MAP6: variants seen among roughly 807,000 people sequenced by gnomAD.
The protein encoded by MAP6 is microtubule associated protein 6.
A neutral mutation model predicts 42.4 loss-of-function variants in MAP6; 26 were observed. The observed-to-expected ratio is 0.61, with a 90% CI of 0.45 to 0.85. The LOEUF is 0.85. MAP6 is among the 40% of genes least tolerant of loss of function. The pLI is 0.00. For missense variants in MAP6, 966 were observed against 1,099.0 expected, an observed-to-expected ratio of 0.88 and a Z score of 1.71; for synonymous variants, 418 against 443.8, an observed-to-expected ratio of 0.94 and a Z score of 0.73.
intron 3 of MAP6, among the ~76,000 whole-genome samples, chr11:75,590,610 G>A (rs879296899): frequency 6.6e-6 from 1 of 152,236 alleles, no homozygotes; most frequent in South Asian, 2.1e-4. Flanking sequence ...TCTTTAGTGG[G>A]TATCTTTAAT....
chr11:75,637,561 G>A (rs1943388965), intron 1 of MAP6, among the ~76,000 whole-genome samples: 1 of 152,086 alleles, frequency 6.6e-6, no homozygotes, highest in South Asian at 2.1e-4. Flanking sequence ...AGAGAAGAGA[G>A]CACTAGAGCA....
intron 1 of MAP6, among the ~76,000 whole-genome samples, chr11:75,622,792 T>C (rs534739619): frequency 2.6e-5 from 4 of 152,356 alleles, no homozygotes; most frequent in African/African-American, 9.6e-5. Flanking sequence ...TATAGATCTA[T>C]GAACGGAATA....
chr11:75,609,429 C>T (rs1401997102), intron 1 of MAP6, among the ~76,000 whole-genome samples: 1 of 152,168 alleles, frequency 6.6e-6, no homozygotes, highest in Non-Finnish European at 1.5e-5. Context: ...ATGACTCCCT[C>T]CTTCGGGGCT....
intron 1 of MAP6, among the ~76,000 whole-genome samples, chr11:75,623,259 T>C (rs947564253): frequency 1.3e-5 from 2 of 152,162 alleles, no homozygotes; most frequent in Non-Finnish European, 2.9e-5. Context: ...TCCAACTATA[T>C]GAAAATTCTA....
intron 1 of MAP6, among the ~76,000 whole-genome samples, chr11:75,648,575 A>G (rs146118290): frequency 7.5e-4 from 114 of 152,350 alleles, no homozygotes; most frequent in African/African-American, 2.7e-3. Flanking sequence ...GGGATAGTGA[A>G]GCATTTCTTA....
chr11:75,587,366 G>A lies in MAP6; in HGVS notation c.2135C>T (p.Ser712Phe), dbSNP rs1301711126. The stretch of plus-strand genomic sequence containing the variant: ...GAGAATGGGGTCTTGATTCTTCACG[G>A]ACTCGGGGACCACAGGACCTTGATT... ...VKNQGPVVPESVKNQDPILPV... is the reference protein window; with the variant it reads ...VKNQGPVVPEFVKNQDPILPV... The change falls in exon 4 of 4, where the codon TCC becomes TTC. Residue 712 changes from serine (S) to phenylalanine (F), a missense_variant. By Grantham distance (155) the Ser-to-Phe change is radical. Coordinates refer to ENST00000304771, the MANE Select transcript of MAP6 (RefSeq NM_033063.2). The A allele has an allele frequency of 2.5e-6, 4 of 1,614,148 alleles. No individual in the cohort carries two copies. Among genetic ancestry groups the A allele is most frequent in the Non-Finnish European group, 3.4e-6 (4 of 1,180,016 alleles).
In MAP6 at chr11:75,605,949, T is replaced by C. The variant is rs1942761996; in HGVS notation, c.1175A>G (p.Lys392Arg). 2 of 1,614,132 alleles carry C rather than the reference T, an allele frequency of 1.2e-6. No individual in the cohort carries two copies. Among genetic ancestry groups the C allele is most frequent in the African/African-American group, 1.3e-5 (1 of 75,022 alleles). Residue 392 changes from lysine (K) to arginine (R), a missense_variant, in exon 3 of 4, where the codon AAG becomes AGG. This residue lies in a region of MAP6 where 943 missense variants were observed against 1,049.9 expected (regional missense o/e 0.90). Transcript: ENST00000304771. ...SKPKKTSASHKPTRKAKDKQA... is the reference protein window; with the variant it reads ...SKPKKTSASHRPTRKAKDKQA... ...CTTGTCTTTGGCCTTCCTCGTGGGC[T>C]TATGGCTCGCTGAGGTCTTTTTTGG...
At chr11:75,646,930 T>C (rs543321247) in intron 1 of MAP6, among the ~76,000 whole-genome samples, 4 of 152,052 alleles carry the variant, frequency 2.6e-5, no homozygotes, top group African/African-American at 9.6e-5. Flanking sequence ...TGAGGTAAAA[T>C]ATAAGACAAG....
chr11:75,611,212 G>A (rs1942890870), intron 1 of MAP6, among the ~76,000 whole-genome samples: 1 of 152,232 alleles, frequency 6.6e-6, no homozygotes, highest in Non-Finnish European at 1.5e-5. Flanking sequence ...GGGCCTCCAG[G>A]ACCCAATCAG....
intron 3 of MAP6, chr11:75,596,304 A>C (rs1385989958): frequency 1.3e-5 from 2 of 152,220 alleles, no homozygotes; most frequent in Non-Finnish European, 2.9e-5. Context: ...TTTCCTCTCT[A>C]TAGTATCCCT....
At chr11:75,633,131 T>G (rs376340103) in intron 1 of MAP6, among the ~76,000 whole-genome samples, 5 of 152,162 alleles carry the variant, frequency 3.3e-5, no homozygotes, top group African/African-American at 1.2e-4. Flanking sequence ...TATCTTCACT[T>G]AAGTATTTCA....
chr11:75,657,319 G>A (rs924441444), intron 1 of MAP6, among the ~76,000 whole-genome samples: 4 of 152,088 alleles, frequency 2.6e-5, no homozygotes, highest in Non-Finnish European at 5.9e-5. Flanking sequence ...CACCGTGTTA[G>A]CCAGGATGGT....
intron 1 of MAP6, among the ~76,000 whole-genome samples, chr11:75,630,398 C>T (rs1590786283): frequency 6.6e-6 from 1 of 152,126 alleles, no homozygotes; most frequent in Non-Finnish European, 1.5e-5. Flanking sequence ...TTTTGTAAAC[C>T]ATTGCACCTA....
At position 75,667,794 on chromosome 11, in the gene MAP6, C is replaced by T; in HGVS notation, c.576G>A (p.Gly192=). ...GGCTCTGCGGCCGGCGCTTGGGCGCCCCGAGAATGGGCGCCGACGCCTGGG... is the reference window on the plus strand; with the variant it reads ...GGCTCTGCGGCCGGCGCTTGGGCGCTCCGAGAATGGGCGCCGACGCCTGGG... The part of the protein sequence containing the change: ...AASQASAPIL[G]APKRRPQSQE... Residue 192 remains glycine, a synonymous_variant, in exon 1 of 4, where the codon GGG becomes GGA. Transcript: ENST00000304771. This position sits in a 1 kb window ranked among gnomAD's most constrained non-coding sequence, Gnocchi z 5.6. The T allele has an allele frequency of 1.5e-6, 2 of 1,309,078 alleles. No individual in the cohort carries two copies. Among genetic ancestry groups the T allele is most frequent in the Non-Finnish European group, 1.9e-6 (2 of 1,027,820 alleles). 81.1% of individuals were successfully genotyped at this position (1,309,078 alleles called of 1,614,324 possible).
At chr11:75,640,669 C>A (rs1423844526) in intron 1 of MAP6, among the ~76,000 whole-genome samples, 1 of 152,086 alleles carries the variant, frequency 6.6e-6, no homozygotes. Context: ...AAAAAGTGGG[C>A]GAAGGATATG....
intron 1 of MAP6, among the ~76,000 whole-genome samples, chr11:75,623,503 G>A (rs1489035905): frequency 6.6e-6 from 1 of 152,180 alleles, no homozygotes; most frequent in African/African-American, 2.4e-5. Flanking sequence ...CCCTTTGCAA[G>A]GAGGTGATCC....
intron 1 of MAP6, among the ~76,000 whole-genome samples, chr11:75,647,347 C>CAAAAAAAAAAAAACCCAACATGAAAA (rs1943571550): frequency 2.3e-5 from 1 of 44,186 alleles, no homozygotes; most frequent in Non-Finnish European, 4.3e-5. Flanking sequence ...CCCACCTGAT[C>CAAAAAAAAAAAAACCCAACATGAAAA]AAAAAAAAAA....
At chr11:75,617,682 G>A (rs1943023338) in intron 1 of MAP6, among the ~76,000 whole-genome samples, 1 of 152,048 alleles carries the variant, frequency 6.6e-6, no homozygotes, top group East Asian at 1.9e-4. Context: ...GAGTGGGGGA[G>A]TGTGAGAGTT....
chr11:75,656,360 T>C (rs747229191), intron 1 of MAP6, among the ~76,000 whole-genome samples: 7 of 152,142 alleles, frequency 4.6e-5, no homozygotes, highest in Non-Finnish European at 1.0e-4. Flanking sequence ...TCATTCAGTT[T>C]GAAAACAAAT....
Sources: gnomAD v4.1 joint callset for allele counts (sites outside exome capture counted in the v4.1 genomes callset) on GRCh38, gnomAD v4.1.1 for gene constraint, gnomAD v4.1.1 regional missense constraint, Gnocchi (gnomAD v3.1) non-coding constraint, MANE v1.5 for transcripts, NCBI Gene and HGNC (gene_info 2026-07-23, HGNC 2026-07-21) for gene names.